Variants in PRDX4 observed in about 807,000 individuals in gnomAD.
PRDX4 encodes peroxiredoxin 4.
Under a neutral mutation model 20.5 loss-of-function variants are expected in PRDX4, and 12 were observed. The ratio of observed to expected loss-of-function variants is 0.58; its 90% CI spans 0.37 to 0.95. PRDX4 has a LOEUF of 0.95. Ranked by LOEUF, PRDX4 falls within the 40% of genes least tolerant of loss-of-function variation. The pLI is 0.01. For missense variants in PRDX4, 180 were observed against 207.3 expected (o/e 0.87, Z 0.81); for synonymous variants, 99 against 87.5 (o/e 1.13, Z -0.73).
intron 3 of PRDX4, among the ~76,000 whole-genome samples, chrX:23,675,779 A>G (rs1927934334): frequency 8.9e-6 from 1 of 111,769 alleles, no homozygotes; most frequent in Non-Finnish European, 1.9e-5. Flanking sequence ...ACATGTTAAT[A>G]TGAGTTTTTA....
At chrX:23,670,169 TA>T (rs1927817470) in intron 1 of PRDX4, among the ~76,000 whole-genome samples, 1 of 111,897 alleles carries the variant, frequency 8.9e-6, no homozygotes, top group African/African-American at 3.2e-5. Context: ...CTACCATTCT[TA>T]ACCAAATATT....
Position 23,667,550 on chromosome X carries a change from T to C in PRDX4, c.-21T>C, listed in dbSNP as rs181755152. ...GAAGCGGCGCTCGCGCCAAGGGACG[T>C]GTTTCTGCGCTCGCGTGGTCATGGA... On this transcript the variant is annotated 5_prime_UTR_variant, in exon 1 of 7. Coordinates refer to ENST00000379341, the MANE Select transcript of PRDX4 (RefSeq NM_006406.2). The C allele has an allele frequency of 9.9e-4, 1,160 of 1,168,467 alleles. 9 individuals are homozygous for C. The African/African-American group carries it at 0.018, about 18-fold the overall frequency.
intron 1 of PRDX4, among the ~76,000 whole-genome samples, chrX:23,669,595 T>G: frequency 9.0e-6 from 1 of 111,594 alleles, no homozygotes; most frequent in Non-Finnish European, 1.9e-5. Flanking sequence ...AAAGGCGGGA[T>G]GCAACACGTG....
intron 4 of PRDX4, among the ~76,000 whole-genome samples, chrX:23,680,068 C>T (rs1459267595): frequency 8.9e-6 from 1 of 112,550 alleles, no homozygotes; most frequent in African/African-American, 3.2e-5. Flanking sequence ...TTATATTACC[C>T]TGATTAAACT....
At position 23,671,661 on chromosome X, in the gene PRDX4, T is replaced by A; in HGVS notation, c.359+15T>A. 9.6e-7 allele frequency: 1 copy of A among 1,038,430 alleles called. No individual in the cohort carries two copies. Among genetic ancestry groups the A allele is most frequent in the Non-Finnish European group, 1.3e-6 (1 of 757,417 alleles). The allele number at this position is 1,038,430 out of a possible 1,213,427, so 85.6% of individuals were successfully genotyped here. ...CCACTTGATTTGTAAGTAATACATG[T>A]AAATAGCTAGTAAAATCTCAGTCTT... On this transcript the variant is annotated intron_variant, in intron 2 of 6. Transcript: ENST00000379341.
intron 2 of PRDX4, among the ~76,000 whole-genome samples, chrX:23,673,551 T>G (rs1601789868): frequency 1.8e-5 from 2 of 111,904 alleles, no homozygotes; most frequent in East Asian, 5.6e-4. Flanking sequence ...TCAGGAGTTC[T>G]AGACCAGCCT....
intron 3 of PRDX4, among the ~76,000 whole-genome samples, chrX:23,676,791 CAAA>C (rs10585666): frequency 1.0e-3 from 91 of 87,780 alleles, no homozygotes; most frequent in African/African-American, 1.6e-3. Flanking sequence ...GATCCTGTCT[CAAA>C]AAAAAAAAAA....
chrX:23,671,936 A>G (rs1927852769), intron 2 of PRDX4, among the ~76,000 whole-genome samples: 1 of 112,412 alleles, frequency 8.9e-6, no homozygotes, highest in Admixed American at 9.5e-5. Flanking sequence ...TATATTAGAA[A>G]GCATTTAATA....
Position 23,686,351 on chromosome X carries a change from G to A in PRDX4, c.*16G>A. On this transcript the variant is annotated 3_prime_UTR_variant, in exon 7 of 7. Coordinates refer to ENST00000379341, the MANE Select transcript of PRDX4 (RefSeq NM_006406.2). ...ACTGAATTGAGAAATACTTCTTCAAGTTATGATGCTTGAAAGTTCTCAATA... is the reference window on the plus strand; with the variant it reads ...ACTGAATTGAGAAATACTTCTTCAAATTATGATGCTTGAAAGTTCTCAATA... The A allele has an allele frequency of 1.7e-6, 2 of 1,148,526 alleles. No homozygotes were observed. Among genetic ancestry groups the A allele is most frequent in the South Asian group, 2.0e-5 (1 of 50,853 alleles). The allele number at this position is 1,148,526 out of a possible 1,213,427, so 94.7% of individuals were successfully genotyped here.
intron 6 of PRDX4, among the ~76,000 whole-genome samples, chrX:23,684,702 A>G (rs1421576612): frequency 9.1e-6 from 1 of 110,490 alleles, no homozygotes; most frequent in African/African-American, 3.3e-5. Flanking sequence ...GGGTTTCACC[A>G]TGTTGGCCAG....
chrX:23,679,496 C>T (rs1476327950), intron 4 of PRDX4, among the ~76,000 whole-genome samples: 1 of 109,639 alleles, frequency 9.1e-6, no homozygotes, highest in Non-Finnish European at 1.9e-5. Flanking sequence ...ACCAGCCTGG[C>T]CAACATGGTG....
In PRDX4 at chrX:23,682,527, G is replaced by T; in HGVS notation, c.730+1G>T. ...CAGTACACTGACAAACACGGAGAAG[G>T]TACCTCTCCCTTCTAACCTTTTGAT... On this transcript the variant is annotated splice_donor_variant, in intron 5 of 6. Transcript: ENST00000379341. LOFTEE classifies it high-confidence loss of function. 4 of 1,147,464 alleles carry T rather than the reference G, an allele frequency of 3.5e-6. No individual in the cohort carries two copies. Among genetic ancestry groups the T allele is most frequent in the African/African-American group, 1.8e-5 (1 of 55,381 alleles). 94.6% of individuals were successfully genotyped at this position (1,147,464 alleles called of 1,213,427 possible).
At chrX:23,676,613 A>G (rs1927953818) in intron 3 of PRDX4, among the ~76,000 whole-genome samples, 1 of 109,358 alleles carries the variant, frequency 9.1e-6, no homozygotes. Flanking sequence ...CAACATAGTG[A>G]GACCCCATCT....
At chrX:23,667,914 C>T in intron 1 of PRDX4, 103 bp downstream of exon 1, 1 of 1,115,234 alleles carries the variant, frequency 9.0e-7, no homozygotes, top group African/African-American at 1.8e-5. Context: ...CCTGGGCTGC[C>T]TCCGGGCCCT....
chrX:23,681,807 G>A (rs753638459), intron 4 of PRDX4, among the ~76,000 whole-genome samples: 101 of 112,123 alleles, frequency 9.0e-4, no homozygotes, highest in Middle Eastern at 4.2e-3. Context: ...TTGGGAGGCC[G>A]AGGCAGGTAG....
rs754793762 is a variant in PRDX4, at chrX:23,679,699, C to T, written c.599+412C>T. Among the ~76,000 whole-genome samples, 8 of 104,858 alleles carry T rather than the reference C, an allele frequency of 7.6e-5. No individual in the cohort carries two copies. The East Asian group carries it at 2.1e-3, about 28-fold the overall frequency. The allele number at this position is 104,858 out of a possible 115,157, so 91.1% of individuals were successfully genotyped here. On this transcript the variant is annotated intron_variant, in intron 4 of 6. Transcript: ENST00000379341. ...AAAAAAAAAAAAAAGAAATAATTGGCTGGGCATGGTGGCTCACGCCTATAA... is the reference window on the plus strand; with the variant it reads ...AAAAAAAAAAAAAAGAAATAATTGGTTGGGCATGGTGGCTCACGCCTATAA...
At chrX:23,669,692 C>A (rs1927807100) in intron 1 of PRDX4, among the ~76,000 whole-genome samples, 1 of 110,938 alleles carries the variant, frequency 9.0e-6, no homozygotes, top group South Asian at 3.8e-4. Context: ...CGAGGCCATC[C>A]GATCACCTGA....
chrX:23,680,166 C>T (rs1928038315), intron 4 of PRDX4, among the ~76,000 whole-genome samples: 2 of 111,889 alleles, frequency 1.8e-5, no homozygotes, highest in African/African-American at 6.5e-5. Flanking sequence ...GAGACAGATT[C>T]ATAGAGTTCC....
At chrX:23,677,613 G>A (rs1927973586) in intron 3 of PRDX4, among the ~76,000 whole-genome samples, 1 of 111,901 alleles carries the variant, frequency 8.9e-6, no homozygotes, top group African/African-American at 3.2e-5. Flanking sequence ...CTTTGCATTT[G>A]TCTCTCAGAA....
Sources: gnomAD v4.1 joint callset for allele counts (sites outside exome capture counted in the v4.1 genomes callset) on GRCh38, gnomAD v4.1.1 for gene constraint, MANE v1.5 for transcripts, NCBI Gene and HGNC (gene_info 2026-07-23, HGNC 2026-07-21) for gene names.